Variants in LRRC27 observed in about 807,000 individuals in gnomAD.
LRRC27 encodes the protein leucine rich repeat containing 27, also known as leucine-rich repeat-containing protein 27.
A neutral mutation model predicts 55.0 loss-of-function variants in LRRC27; 57 were observed. The ratio of observed to expected loss-of-function variants is 1.04; its 90% CI spans 0.84 to 1.29. The LOEUF is 1.29. LRRC27 is among the 50% of genes most tolerant of loss of function. The probability of loss-of-function intolerance (pLI) is 0.00; values close to 1 mark genes in which losing one functional copy is unlikely to be tolerated. For synonymous variants in LRRC27, 278 were observed against 251.9 expected (o/e 1.10, Z -0.98); for missense variants, 721 against 651.5 (o/e 1.11, Z -1.16).
intron 9 of LRRC27, among the ~76,000 whole-genome samples, chr10:132,362,884 GTCCGGGGTTCACCCC>G (rs2068704188): frequency 7.3e-6 from 1 of 136,966 alleles, no homozygotes; most frequent in African/African-American, 2.8e-5. Flanking sequence ...CTGCTCGGGG[GTCCGGGGTTCACCCC>G]TCTCACCTCG....
intron 10 of LRRC27, among the ~76,000 whole-genome samples, chr10:132,373,251 G>C (rs902730485): frequency 4.6e-5 from 7 of 152,186 alleles, no homozygotes; most frequent in African/African-American, 1.7e-4. Context: ...AAGAGGAAAG[G>C]AAGTTAGAGG....
chr10:132,330,602 G>A, upstream of LRRC27: 1 of 694,162 alleles, frequency 1.4e-6, no homozygotes, highest in African/African-American at 1.8e-5. Context: ...CAAAATCCTA[G>A]GTTCAAGCGA....
chr10:132,331,641 A>C, upstream of LRRC27: 2 of 1,612,832 alleles, frequency 1.2e-6, no homozygotes, highest in South Asian at 1.1e-5. Flanking sequence ...GACCGCTCCA[A>C]AGGTGGTGCC....
intron 7 of LRRC27, chr10:132,353,482 T>C: frequency 3.4e-6 from 3 of 893,626 alleles, no homozygotes; most frequent in Non-Finnish European, 2.7e-6. Context: ...TCCACAGCTG[T>C]CACCCAATGT....
intron 10 of LRRC27, among the ~76,000 whole-genome samples, chr10:132,369,480 C>T (rs1338517764): frequency 6.6e-6 from 1 of 152,178 alleles, no homozygotes; most frequent in Admixed American, 6.5e-5. Context: ...GCCGACATGC[C>T]AGCATGAAAA....
At chr10:132,349,041 G>C (rs548766487) in intron 6 of LRRC27, 3 of 1,607,770 alleles carry the variant, frequency 1.9e-6, no homozygotes, top group Admixed American at 1.7e-5. Flanking sequence ...TAGGGCGTGC[G>C]CCTACACATA....
chr10:132,359,825 G>A (rs775465494), intron 8 of LRRC27, among the ~76,000 whole-genome samples: 3 of 152,220 alleles, frequency 2.0e-5, no homozygotes, highest in South Asian at 2.1e-4. Flanking sequence ...TGGGCTTCAC[G>A]TCAGTGGCAT....
chr10:132,371,883 C>T (rs991641814), intron 10 of LRRC27, among the ~76,000 whole-genome samples: 4 of 152,216 alleles, frequency 2.6e-5, no homozygotes, highest in African/African-American at 7.2e-5. Context: ...GGGTGCTGTC[C>T]TCTCAGACAC....
At chr10:132,340,142 G>A (rs985238481) in intron 3 of LRRC27, among the ~76,000 whole-genome samples, 2 of 152,082 alleles carry the variant, frequency 1.3e-5, no homozygotes, top group African/African-American at 4.8e-5. Context: ...TACCTCCTTA[G>A]GCCAACAAGT....
intron 8 of LRRC27, among the ~76,000 whole-genome samples, chr10:132,359,676 T>C (rs1590698163): frequency 6.6e-6 from 1 of 152,254 alleles, no homozygotes; most frequent in Non-Finnish European, 1.5e-5. Context: ...GGTGGGAGCC[T>C]TGAGGCTGCG....
At chr10:132,335,476 G>C (rs906789939) in intron 2 of LRRC27, among the ~76,000 whole-genome samples, 4 of 136,094 alleles carry the variant, frequency 2.9e-5, no homozygotes, top group Admixed American at 2.1e-4. Flanking sequence ...TGAGTACTAT[G>C]GGGGGGGGTC....
In LRRC27 at chr10:132,374,216, G is replaced by A. The variant is rs1394508874; in HGVS notation, c.1417-850G>A. On this transcript the variant is annotated intron_variant, in intron 10 of 10. Coordinates refer to ENST00000368614, the MANE Select transcript of LRRC27 (RefSeq NM_030626.3). The surrounding 1 kb of genome is among the most constrained non-coding windows in gnomAD (Gnocchi z 4.4). The stretch of plus-strand genomic sequence containing the variant: ...TGGTGAGGGGGTGCAGTGGCTCCAG[G>A]GACCTGCTGTGATTATGTCTGTATG... Among the ~76,000 whole-genome samples the A allele has an allele frequency of 6.6e-6, 1 of 151,288 alleles. No individual in the cohort carries two copies. The highest frequency in any genetic ancestry group is 1.5e-5 in the Non-Finnish European group (1 of 67,822).
At chr10:132,343,355 AG>A (rs1432530219) in intron 4 of LRRC27, among the ~76,000 whole-genome samples, 2 of 152,194 alleles carry the variant, frequency 1.3e-5, no homozygotes, top group Non-Finnish European at 2.9e-5. Flanking sequence ...CAAAAATAAA[AG>A]AACAGTTAGG....
rs1018722125 is a variant in LRRC27 at position 132,375,899 on chromosome 10, T to A, written c.*657T>A. 4.6e-5 allele frequency: 7 copies of A among 152,306 alleles called. No homozygotes were observed. Among genetic ancestry groups the A allele is most frequent in the South Asian group, 2.1e-4 (1 of 4,830 alleles). The allele number at this position is 152,306 out of a possible 1,614,324, so 9.4% of individuals were successfully genotyped here. A position where few individuals can be genotyped will look rare whatever the true frequency, so the allele number is the denominator to read the frequency against. Reference sequence around the variant, plus strand: ...GGTCTGCAGACCTCCCCATGCTAGATCAGCCGTATTTCATGCTCTGTCTGC... The same window carrying A: ...GGTCTGCAGACCTCCCCATGCTAGAACAGCCGTATTTCATGCTCTGTCTGC... On this transcript the variant is annotated 3_prime_UTR_variant, in exon 11 of 11. Transcript: ENST00000368614.
chr10:132,376,990 G>C lies in LRRC27; in HGVS notation c.*1748G>C, dbSNP rs2069346007. On this transcript the variant is annotated 3_prime_UTR_variant, in exon 11 of 11. Coordinates refer to ENST00000368614, the MANE Select transcript of LRRC27 (RefSeq NM_030626.3). ...AAATTTAGGATTGTTTTATCTTCCT[G>C]TCGAACTGACCTTGTCATTATTATG... 1 of 152,208 alleles carries C rather than the reference G, an allele frequency of 6.6e-6. No individual in the cohort carries two copies. The highest frequency in any genetic ancestry group is 1.5e-5 in the Non-Finnish European group (1 of 68,044). The allele number at this position is 152,208 out of a possible 1,614,324, so 9.4% of individuals were successfully genotyped here. A position where few individuals can be genotyped will look rare whatever the true frequency, so the allele number is the denominator to read the frequency against.
intron 9 of LRRC27, among the ~76,000 whole-genome samples, chr10:132,364,477 C>G (rs1189274061): frequency 8.5e-6 from 1 of 117,702 alleles, no homozygotes; most frequent in African/African-American, 3.8e-5. Flanking sequence ...ACACTTACAC[C>G]CACCCACACT....
rs748328536 is a variant in LRRC27 at position 132,337,521 on chromosome 10, T to A, written c.211-44T>A. 3 of 1,606,504 alleles carry A rather than the reference T, an allele frequency of 1.9e-6. No individual in the cohort carries two copies. The South Asian group carries it at 3.3e-5, about 18-fold the overall frequency. On this transcript the variant is annotated intron_variant, in intron 2 of 10. Coordinates refer to ENST00000368614, the MANE Select transcript of LRRC27 (RefSeq NM_030626.3). ...TTTGGATATATCATGTTTTACAAAT[T>A]AGTTGGTTAACAAAACATTCTCTGA...
chr10:132,353,746 G>A (rs2068176757), intron 7 of LRRC27, among the ~76,000 whole-genome samples: 1 of 152,122 alleles, frequency 6.6e-6, no homozygotes, highest in African/African-American at 2.4e-5. Flanking sequence ...CTTTCCTTTG[G>A]TGCCCATCAG....
In LRRC27 at chr10:132,364,757, T is replaced by C. The variant is rs61864522; in HGVS notation, c.1290-667T>C. On this transcript the variant is annotated intron_variant, in intron 9 of 10. Coordinates refer to ENST00000368614, the MANE Select transcript of LRRC27 (RefSeq NM_030626.3). Reference sequence around the variant, plus strand: ...TTACATCTACCTCCACGCCCACACTTACACTCATGCTTACATCTACCTCCA... The same window carrying C: ...TTACATCTACCTCCACGCCCACACTCACACTCATGCTTACATCTACCTCCA... Among the ~76,000 whole-genome samples the C allele has an allele frequency of 9.1e-3, 495 of 54,186 alleles. 23 individuals are homozygous for C. Among genetic ancestry groups the C allele is most frequent in the African/African-American group, 0.041 (453 of 10,936 alleles). 35.5% of individuals were successfully genotyped at this position (54,186 alleles called of 152,430 possible).
Sources: allele counts gnomAD v4.1 joint callset (sites outside exome capture counted in the v4.1 genomes callset), GRCh38; gene constraint gnomAD v4.1.1; non-coding constraint Gnocchi (gnomAD v3.1); transcripts MANE v1.5; gene names NCBI Gene and HGNC (gene_info 2026-07-23, HGNC 2026-07-21).